CR1: variants seen among roughly 807,000 people sequenced by gnomAD.
The protein encoded by CR1 is complement receptor type 1.
A neutral mutation model predicts 187.3 loss-of-function variants in CR1; 116 were observed. The observed-to-expected ratio is 0.62, with a 90% CI of 0.53 to 0.72. The LOEUF is 0.72. Ranked by LOEUF, CR1 falls within the 30% of genes least tolerant of loss-of-function variation. The pLI is 0.00. For missense variants in CR1, 1,731 were observed against 2,110.7 expected (o/e 0.82, Z 3.52); for synonymous variants, 576 against 747.1 (o/e 0.77, Z 3.73).
At chr1:207,601,938 G>C (rs1571581945) in intron 35 of CR1, among the ~76,000 whole-genome samples, 1 of 151,926 alleles carries the variant, frequency 6.6e-6, no homozygotes, top group African/African-American at 2.4e-5. Context: ...CACTACATGG[G>C]CTTCTCCAAA....
At chr1:207,506,954 C>A (rs1490316063) in intron 3 of CR1, 141 bp downstream of exon 3, 1 of 661,822 alleles carries the variant, frequency 1.5e-6, no homozygotes, top group Non-Finnish European at 2.5e-6. Flanking sequence ...TGTTTAGCTC[C>A]TGACTGAAAT....
intron 1 of CR1, among the ~76,000 whole-genome samples, 195 bp from the exon 2 acceptor site, chr1:207,505,709 C>T (rs1344743055): frequency 6.6e-6 from 1 of 151,920 alleles, no homozygotes; most frequent in Non-Finnish European, 1.5e-5. Flanking sequence ...GTGGTGGGCA[C>T]CTGTAATCCC....
chr1:207,630,735 G>T, intron 46 of CR1, 114 bp downstream of exon 46: 1 of 598,758 alleles, frequency 1.7e-6, no homozygotes, highest in South Asian at 3.4e-5. Context: ...AAAGAATTTA[G>T]AAAGTACTTC....
At chr1:207,600,608 C>T (rs1661575773) in intron 35 of CR1, 1 of 152,114 alleles carries the variant, frequency 6.6e-6, no homozygotes, top group African/African-American at 2.4e-5. Context: ...AATTTAAAAA[C>T]AGCCATTGCA....
intron 4 of CR1, among the ~76,000 whole-genome samples, chr1:207,514,994 T>TATAC (rs1553287769): frequency 0.013 from 1,532 of 119,544 alleles, 34 homozygotes; most frequent in African/African-American, 0.043. Context: ...TATATATATA[T>TATAC]ACACACACAC....
At chr1:207,628,118 G>C (rs1182936666) in intron 45 of CR1, among the ~76,000 whole-genome samples, 1 of 152,094 alleles carries the variant, frequency 6.6e-6, no homozygotes, top group Admixed American at 6.5e-5. Flanking sequence ...ATGCTTAAAC[G>C]ATATCACACT....
intron 35 of CR1, among the ~76,000 whole-genome samples, chr1:207,598,420 A>G (rs1308120316): frequency 1.9e-5 from 1 of 51,726 alleles, no homozygotes; most frequent in African/African-American, 1.5e-4. Context: ...AAAGACAAGA[A>G]CTTTTTTTTT....
intron 46 of CR1, 87 bp downstream of exon 46, chr1:207,630,708 G>A: frequency 1.2e-6 from 1 of 835,652 alleles, no homozygotes; most frequent in East Asian, 3.0e-5. Context: ...TATTGCACTA[G>A]GTAGGTCATT....
At chr1:207,602,696 T>C (rs975971972) in intron 35 of CR1, among the ~76,000 whole-genome samples, 28 of 151,986 alleles carry the variant, frequency 1.8e-4, no homozygotes, top group Non-Finnish European at 4.4e-5. Flanking sequence ...GATATACATA[T>C]AGATATAGAT....
intron 40 of CR1, 91 bp from the exon 41 acceptor site, chr1:207,616,484 T>A (rs1400625733): frequency 2.8e-6 from 4 of 1,416,526 alleles, no homozygotes; most frequent in Non-Finnish European, 3.8e-6. Flanking sequence ...AAAAGTTATA[T>A]TCTTTTTAAG....
intron 35 of CR1, chr1:207,606,330 A>T (rs1661749224): frequency 6.6e-6 from 1 of 152,248 alleles, no homozygotes; most frequent in Non-Finnish European, 1.5e-5. Context: ...GTGAGAAGTG[A>T]AACCTTTATT....
intron 31 of CR1, 55 bp downstream of exon 31, chr1:207,580,668 A>T: frequency 6.7e-7 from 1 of 1,484,420 alleles, no homozygotes; most frequent in Non-Finnish European, 9.3e-7. Flanking sequence ...GTGACTCTTG[A>T]GCTTAAGGAT....
At chr1:207,502,833 C>T (rs1393589674) in intron 1 of CR1, among the ~76,000 whole-genome samples, 2 of 152,224 alleles carry the variant, frequency 1.3e-5, no homozygotes, top group Non-Finnish European at 2.9e-5. Flanking sequence ...GAATTCTCCT[C>T]TCTGTCCGGG....
chr1:207,508,511 T>C (rs1416499574), intron 3 of CR1, among the ~76,000 whole-genome samples: 2 of 152,276 alleles, frequency 1.3e-5, no homozygotes, highest in African/African-American at 2.4e-5. Flanking sequence ...CATGGGCATA[T>C]GTGCATAAAC....
At chr1:207,585,798 G>A (rs1661096234) in intron 33 of CR1, among the ~76,000 whole-genome samples, 1 of 152,096 alleles carries the variant, frequency 6.6e-6, no homozygotes, top group African/African-American at 2.4e-5. Flanking sequence ...GATGGAGGAA[G>A]CCTTCTCCAA....
At chr1:207,525,910 A>T (rs1660153501) in intron 5 of CR1, among the ~76,000 whole-genome samples, 1 of 152,112 alleles carries the variant, frequency 6.6e-6, no homozygotes, top group Admixed American at 6.5e-5. Flanking sequence ...TGCTTGAGAA[A>T]GCTGAAGTCC....
chr1:207,570,022 GA>G, intron 27 of CR1, 76 bp downstream of exon 27: 1 of 97,542 alleles, frequency 1.0e-5, no homozygotes, highest in Non-Finnish European at 1.6e-5. Flanking sequence ...TCTCAGCAAG[GA>G]AACTAGGCTA....
chr1:207,513,264 C>T (rs550046958), intron 4 of CR1, among the ~76,000 whole-genome samples: 1 of 152,218 alleles, frequency 6.6e-6, no homozygotes, highest in Admixed American at 6.5e-5. Context: ...CAAGAACCCC[C>T]ATTGTCTCTG....
At chr1:207,523,279 A>G (rs1660054112) in intron 4 of CR1, among the ~76,000 whole-genome samples, 1 of 152,206 alleles carries the variant, frequency 6.6e-6, no homozygotes, top group Non-Finnish European at 1.5e-5. Context: ...GGTTAATAAC[A>G]AAAATGGAAA....
Sources: allele counts gnomAD v4.1 joint callset (sites outside exome capture counted in the v4.1 genomes callset), GRCh38; gene constraint gnomAD v4.1.1; transcripts MANE v1.5; gene names NCBI Gene and HGNC (gene_info 2026-07-23, HGNC 2026-07-21).